Variants in KEL observed in about 807,000 individuals in gnomAD.
KEL encodes the protein Kell metallo-endopeptidase (Kell blood group).
In KEL, 96 loss-of-function variants were observed where a neutral mutation model predicts 99.5. That is an observed-to-expected ratio of 0.97 (90% CI 0.82 to 1.14). The LOEUF is 1.14. Among genes scored for constraint, KEL ranks in the 50% most tolerant of loss-of-function variants. The probability of loss-of-function intolerance (pLI) is 0.00; values close to 1 mark genes in which losing one functional copy is unlikely to be tolerated. For missense variants in KEL, 926 were observed against 924.2 expected (o/e 1.00, Z -0.03); for synonymous variants, 355 against 354.8 (o/e 1.00, Z -0.01).
At chr7:142,942,161 G>A in intron 18 of KEL, 2 of 534,470 alleles carry the variant, frequency 3.7e-6, no homozygotes, top group East Asian at 6.2e-5. Context: ...GGAAAAAAAA[G>A]TTGGTCTCCT....
chr7:142,957,237 G>T (rs1242660824), intron 6 of KEL, among the ~76,000 whole-genome samples: 2 of 152,220 alleles, frequency 1.3e-5, no homozygotes, highest in African/African-American at 2.4e-5. Flanking sequence ...GGGGATGGTT[G>T]CAGGCACAGG....
In KEL at chr7:142,952,499, C is replaced by G. The variant is rs1441949478; in HGVS notation, c.1203+10G>C. 1 of 1,613,610 alleles carries G rather than the reference C, an allele frequency of 6.2e-7. No individual in the cohort carries two copies. The highest frequency in any genetic ancestry group is 1.1e-5 in the South Asian group (1 of 91,058). On this transcript the variant is annotated intron_variant, in intron 10 of 18. Coordinates refer to ENST00000355265, the MANE Select transcript of KEL (RefSeq NM_000420.3). ...AGTATCTGGGCAAATACACCCGCTC[C>G]TCTCCTCACCATGGGTGGTTGCTCT...
intron 6 of KEL, 76 bp downstream of exon 6, chr7:142,957,751 C>T (rs1029845419): frequency 1.9e-6 from 3 of 1,580,196 alleles, no homozygotes; most frequent in African/African-American, 2.7e-5. Flanking sequence ...CAACCTGCAA[C>T]CTTCCTCTAA....
Position 142,944,705 on chromosome 7 carries a change from T to A in KEL, c.1351A>T (p.Ile451Phe), listed in dbSNP as rs765948462. The stretch of plus-strand genomic sequence containing the variant: ...CAGGGAAGGTTTCTGAGGCGAGTGA[T>A]GAGGGCATCCCGGATCGCAGTGAAT... ...KLFTAIRDAL[I>F]TRLRNLPWMN... The change falls in exon 12 of 19, where the codon ATC (isoleucine) becomes TTC (phenylalanine). Residue 451 changes from isoleucine to phenylalanine, a missense_variant. By Grantham distance (21) the Ile-to-Phe change is conservative (BLOSUM62 0). Coordinates refer to ENST00000355265, the MANE Select transcript of KEL (RefSeq NM_000420.3). The A allele has an allele frequency of 5.6e-6, 9 of 1,614,160 alleles. No homozygotes were observed. The highest frequency in any genetic ancestry group is 1.6e-4 in the Middle Eastern group (1 of 6,062).
At position 142,946,277 on chromosome 7, in the gene KEL, C is replaced by G; in HGVS notation, c.1244G>C (p.Gly415Ala). Residue 415 changes from glycine to alanine, a missense_variant, in exon 11 of 19, where the codon GGC becomes GCC. By Grantham distance (60) the Gly-to-Ala change is moderately conservative. Transcript: ENST00000355265. ...PRWMKCVEET[G>A]TFFEPTLAAL... ...CGCCAGCGTGGGCTCGAAGAACGTG[C>G]CTGTCTCCTCCACGCACTTCATCCA... 2 of 1,614,094 alleles carry G rather than the reference C, an allele frequency of 1.2e-6. No homozygotes were observed. The highest frequency in any genetic ancestry group is 1.7e-6 in the Non-Finnish European group (2 of 1,179,998).
intron 9 of KEL, chr7:142,953,353 C>G: frequency 1.0e-6 from 1 of 985,010 alleles, no homozygotes; most frequent in African/African-American, 1.7e-5. Flanking sequence ...CCCTCCTCTT[C>G]CTTTCTTCCC....
Position 142,942,209 on chromosome 7 carries a change from C to T in KEL, c.2037+225G>A. On this transcript the variant is annotated intron_variant, in intron 18 of 18. Transcript: ENST00000355265. ...GAACTTGGGAATAGAGTTTTTTCTA[C>T]CTTTTGAGTTGTGGGGGTGCTGAAC... The T allele has an allele frequency of 1.2e-5, 7 of 580,888 alleles. No individual in the cohort carries two copies. The South Asian group carries it at 1.6e-4, about 13-fold the overall frequency. The allele number at this position is 580,888 out of a possible 1,614,324, so 36.0% of individuals were successfully genotyped here.
chr7:142,948,102 T>C (rs1182784138), intron 10 of KEL, among the ~76,000 whole-genome samples: 1 of 152,106 alleles, frequency 6.6e-6, no homozygotes, highest in Non-Finnish European at 1.5e-5. Flanking sequence ...ATTCTTGATT[T>C]GTTTCCTGAT....
intron 4 of KEL, among the ~76,000 whole-genome samples, chr7:142,958,918 T>A (rs2116682851): frequency 6.6e-6 from 1 of 152,300 alleles, no homozygotes; most frequent in Admixed American, 6.5e-5. Flanking sequence ...CAAGCAACTG[T>A]CAATCCGGAA....
intron 10 of KEL, among the ~76,000 whole-genome samples, chr7:142,951,455 G>A (rs1459253932): frequency 6.6e-6 from 1 of 152,158 alleles, no homozygotes; most frequent in African/African-American, 2.4e-5. Flanking sequence ...TTAGCACAAT[G>A]AGTAAACAAC....
chr7:142,959,190 C>T (rs914443040), intron 4 of KEL, among the ~76,000 whole-genome samples: 5 of 151,824 alleles, frequency 3.3e-5, no homozygotes, highest in African/African-American at 7.3e-5. Flanking sequence ...CTCTTTTTGT[C>T]GGCAGGAGAA....
chr7:142,954,840 A>G (rs1357253964), intron 6 of KEL, among the ~76,000 whole-genome samples: 1 of 152,144 alleles, frequency 6.6e-6, no homozygotes, highest in African/African-American at 2.4e-5. Flanking sequence ...AGGGTGAGTG[A>G]GGTGAGGAAC....
intron 18 of KEL, 75 bp downstream of exon 18, chr7:142,942,359 G>T (rs143804816): frequency 0.016 from 15,593 of 973,896 alleles, 161 homozygotes; most frequent in Non-Finnish European, 0.021. Context: ...CTGAAGAGGG[G>T]ACTTCCATGA....
chr7:142,943,700 G>T, intron 14 of KEL, 83 bp downstream of exon 14: 1 of 1,463,230 alleles, frequency 6.8e-7, no homozygotes, highest in Non-Finnish European at 9.6e-7. Flanking sequence ...CATGCTGCCT[G>T]CCCTGAGCCC....
At position 142,941,279 on chromosome 7, in the gene KEL, G is replaced by A; in HGVS notation, c.2172C>T (p.Asn724=). The A allele has an allele frequency of 6.2e-7, 1 of 1,614,140 alleles. No homozygotes were observed. Among genetic ancestry groups the A allele is most frequent in the Non-Finnish European group, 8.5e-7 (1 of 1,180,034 alleles). Residue 724 remains asparagine, a synonymous_variant, in exon 19 of 19, where the codon AAC becomes AAT. Coordinates refer to ENST00000355265, the MANE Select transcript of KEL (RefSeq NM_000420.3). The part of the protein sequence containing the change: ...YFRCARGALL[N]PSSRCQLW ...ACCAGAGCTGGCAGCGGCTGGAGGG[G>A]TTCAAGAGAGCACCACGTGCACAGC... is the stretch of plus-strand genomic sequence containing the variant.
chr7:142,961,620 C>T (rs1181393066), intron 2 of KEL, 119 bp from the exon 3 acceptor site: 3 of 1,375,372 alleles, frequency 2.2e-6, no homozygotes, highest in Middle Eastern at 1.8e-4. Flanking sequence ...AAATAATTAT[C>T]CCAATTCTTC....
intron 5 of KEL, 102 bp downstream of exon 5, chr7:142,958,202 A>G: frequency 1.3e-6 from 2 of 1,552,362 alleles, no homozygotes; most frequent in Non-Finnish European, 1.8e-6. Context: ...GGGGGGCCCT[A>G]GGAAGAAGAC....
intron 10 of KEL, among the ~76,000 whole-genome samples, chr7:142,951,366 C>T (rs536379979): frequency 1.3e-5 from 2 of 152,274 alleles, no homozygotes; most frequent in African/African-American, 2.4e-5. Flanking sequence ...TCTGCTTCAT[C>T]TGAATCAAGA....
rs1376932942 is a variant in KEL, at chr7:142,945,946, G to C, written c.1314+261C>G. On this transcript the variant is annotated intron_variant, in intron 11 of 18. Transcript: ENST00000355265. ...CCTGGCTCGATTTTCTCATTTGATG[G>C]TTGAAGAAACACAAGACCAGGAAAG... is the stretch of plus-strand genomic sequence containing the variant. The C allele has an allele frequency of 1.6e-5, 9 of 554,934 alleles. No individual in the cohort carries two copies. The East Asian group carries it at 2.8e-4, about 17-fold the overall frequency. 34.4% of individuals were successfully genotyped at this position (554,934 alleles called of 1,614,324 possible).
Sources: allele counts gnomAD v4.1 joint callset (sites outside exome capture counted in the v4.1 genomes callset), GRCh38; gene constraint gnomAD v4.1.1; transcripts MANE v1.5; gene names NCBI Gene and HGNC (gene_info 2026-07-23, HGNC 2026-07-21).